Variants in SLC18A2 observed in about 807,000 individuals in gnomAD.
SLC18A2 encodes solute carrier family 18 member A2.
A neutral mutation model predicts 59.2 loss-of-function variants in SLC18A2; 33 were observed. The ratio of observed to expected loss-of-function variants is 0.56; its 90% CI spans 0.42 to 0.75. SLC18A2 has a LOEUF of 0.75. SLC18A2 is among the 30% of genes least tolerant of loss of function. SLC18A2 has a pLI of 0.00. For missense variants in SLC18A2, 569 were observed against 668.6 expected (o/e 0.85, Z 1.64); for synonymous variants, 228 against 253.5 (o/e 0.90, Z 0.95).
intron 10 of SLC18A2, among the ~76,000 whole-genome samples, chr10:117,260,361 A>G (rs1299410273): frequency 6.6e-6 from 1 of 152,188 alleles, no homozygotes; most frequent in African/African-American, 2.4e-5. Flanking sequence ...TGTGAGGCAC[A>G]ATGGCTCTTG....
chr10:117,259,993 C>T (rs1181456295), intron 10 of SLC18A2, among the ~76,000 whole-genome samples: 2 of 152,186 alleles, frequency 1.3e-5, no homozygotes, highest in African/African-American at 4.8e-5. Flanking sequence ...TTGTCTTTCC[C>T]CTTTTCCATT....
At chr10:117,262,693 A>T (rs1227494256) in intron 10 of SLC18A2, among the ~76,000 whole-genome samples, 2 of 151,888 alleles carry the variant, frequency 1.3e-5, no homozygotes, top group African/African-American at 2.4e-5. Context: ...TTTTAGAGAC[A>T]GGGTCTCGTC....
rs1037519044 is a variant in SLC18A2, at chr10:117,275,577, T to C, written c.1441-1585T>C. ...TGCTCATCTAACTACCACGGAGTGC[T>C]GCAGGCGGCTCCTGTCTGCCCCATC... On this transcript the variant is annotated intron_variant, in intron 15 of 15. Transcript: ENST00000644641. 2.4e-4 allele frequency among the ~76,000 whole-genome samples: 37 copies of C among 152,210 alleles called. 1 individual carries two copies. The highest frequency in any genetic ancestry group is 8.7e-4 in the African/African-American group (36 of 41,446).
chr10:117,259,000 G>A (rs956077333), intron 10 of SLC18A2, among the ~76,000 whole-genome samples: 2 of 152,120 alleles, frequency 1.3e-5, no homozygotes, highest in African/African-American at 4.8e-5. Context: ...TACAGTAGAT[G>A]GGGATTATTT....
At chr10:117,271,571 C>G (rs75072165) in intron 15 of SLC18A2, among the ~76,000 whole-genome samples, 3,712 of 152,270 alleles carry the variant, frequency 0.024, 72 homozygotes, top group South Asian at 0.04. Flanking sequence ...TAACTAGATA[C>G]TTTTGAGTAA....
chr10:117,262,521 G>A (rs1477891011), intron 10 of SLC18A2, among the ~76,000 whole-genome samples: 3 of 151,940 alleles, frequency 2.0e-5, no homozygotes, highest in African/African-American at 7.3e-5. Context: ...TGGAGAGGCT[G>A]TTTCCCAGCT....
At chr10:117,261,756 C>T (rs1055152097) in intron 10 of SLC18A2, among the ~76,000 whole-genome samples, 5 of 151,972 alleles carry the variant, frequency 3.3e-5, no homozygotes, top group Admixed American at 6.5e-5. Context: ...CCCAAATGGC[C>T]GGGGGAGAGG....
intron 2 of SLC18A2, among the ~76,000 whole-genome samples, chr10:117,243,015 AGCCACCGT>A (rs1475595848): frequency 2.6e-5 from 4 of 152,084 alleles, no homozygotes; most frequent in African/African-American, 9.7e-5. Context: ...TACAGGCCTG[AGCCACCGT>A]GCCTGGCCTG....
In SLC18A2 at chr10:117,241,772, T is replaced by G. The variant is rs753922210; in HGVS notation, c.79T>G (p.Phe27Val). 1 of 1,611,228 alleles carries G rather than the reference T, an allele frequency of 6.2e-7. No individual in the cohort carries two copies. The highest frequency in any genetic ancestry group is 1.1e-5 in the South Asian group (1 of 90,982). ...RSRKLILFIV[F>V]LALLLDNMLL... ...GCGGAAGCTCATCCTGTTCATCGTG[T>G]TCCTGGCGCTGCTGCTGGACAACAT... Residue 27 changes from phenylalanine (F) to valine (V), a missense_variant, in exon 2 of 16, where the codon TTC (phenylalanine) becomes GTC (valine). Phe to Val is a conservative substitution (Grantham distance 50). Transcript: ENST00000644641.
chr10:117,264,393 T>C (rs1844326043), intron 10 of SLC18A2, among the ~76,000 whole-genome samples: 1 of 152,202 alleles, frequency 6.6e-6, no homozygotes, highest in Admixed American at 6.5e-5. Flanking sequence ...GGTGGATCAC[T>C]TGAGCCCAAG....
intron 6 of SLC18A2, 56 bp downstream of exon 6, chr10:117,254,553 C>T: frequency 7.6e-7 from 1 of 1,318,860 alleles, no homozygotes; most frequent in Non-Finnish European, 1.0e-6. Context: ...TGGTGCTGGA[C>T]AGCGGCAGTC....
intron 15 of SLC18A2, among the ~76,000 whole-genome samples, chr10:117,272,976 C>T (rs922437473): frequency 2.6e-5 from 4 of 152,162 alleles, no homozygotes; most frequent in African/African-American, 7.2e-5. Flanking sequence ...CAAGTGCTGG[C>T]GTTCAGGATG....
chr10:117,247,489 C>T (rs1421068236), intron 3 of SLC18A2, among the ~76,000 whole-genome samples: 1 of 152,218 alleles, frequency 6.6e-6, no homozygotes, highest in Non-Finnish European at 1.5e-5. Flanking sequence ...GTTCTTCCCA[C>T]CTGCTTACAA....
Position 117,248,824 on chromosome 10 carries a change from G to A in SLC18A2, c.464+4511G>A, listed in dbSNP as rs140266296. 3.7e-3 allele frequency among the ~76,000 whole-genome samples: 560 copies of A among 152,286 alleles called. 3 individuals are homozygous for A. Among genetic ancestry groups the A allele is most frequent in the African/African-American group, 0.012 (519 of 41,552 alleles). On this transcript the variant is annotated intron_variant, in intron 3 of 15. Transcript: ENST00000644641. ...AACCAAAAGATATTCCACACCAAAC[G>A]ACTGGCTTGGGAAAGAGTTAACTTC...
chr10:117,267,707 C>T lies in SLC18A2; in HGVS notation c.1157C>T (p.Ala386Val). Residue 386 changes from alanine to valine, a missense_variant, in exon 13 of 16, where the codon GCT (alanine) becomes GTT (valine). Around this residue, in one of 2 missense-constraint regions of SLC18A2, gnomAD observed 192 missense variants for 278.8 expected, o/e 0.69. Transcript: ENST00000644641. ...PFAKNIYGLI[A>V]PNFGVGFAIG... ...GCAAAAAACATTTATGGACTCATAG[C>T]TCCGAACTTTGGAGTTGGTTTTGCA... is the stretch of plus-strand genomic sequence containing the variant. 1 of 1,568,876 alleles carries T rather than the reference C, an allele frequency of 6.4e-7. No individual in the cohort carries two copies. Among genetic ancestry groups the T allele is most frequent in the East Asian group, 2.3e-5 (1 of 44,078 alleles).
chr10:117,254,453 A>G lies in SLC18A2; in HGVS notation c.656A>G (p.Asn219Ser), dbSNP rs139941579. ...TACACAGATGATGAAGAGAGAGGCA[A>G]CGTCATGGGAATCGCCTTGGGAGGC... ...SVYTDDEERG[N>S]VMGIALGGLA... The change falls in exon 6 of 16, where the codon AAC becomes AGC. Residue 219 changes from asparagine to serine, a missense_variant. Physicochemically the swap from Asn to Ser is conservative, Grantham distance 46. Coordinates refer to ENST00000644641, the MANE Select transcript of SLC18A2 (RefSeq NM_003054.6). 1.9e-6 allele frequency: 3 copies of G among 1,609,370 alleles called. No homozygotes were observed. Among genetic ancestry groups the G allele is most frequent in the Non-Finnish European group, 2.5e-6 (3 of 1,177,382 alleles).
rs189888826 is a variant in SLC18A2, at chr10:117,259,236, C to A, written c.991+1344C>A. 5.5e-3 allele frequency among the ~76,000 whole-genome samples: 841 copies of A among 152,286 alleles called. 5 individuals carry two copies. The highest frequency in any genetic ancestry group is 9.0e-3 in the Non-Finnish European group (612 of 68,034). Reference sequence around the variant, plus strand: ...TTAATTTTCCTGGAGTTAGTCGTTGCCTTGTCCTTTCATTTTCTTAATGTT... The same window carrying A: ...TTAATTTTCCTGGAGTTAGTCGTTGACTTGTCCTTTCATTTTCTTAATGTT... On this transcript the variant is annotated intron_variant, in intron 10 of 15. Transcript: ENST00000644641.
At chr10:117,273,576 G>A (rs1464942401) in intron 15 of SLC18A2, among the ~76,000 whole-genome samples, 1 of 152,126 alleles carries the variant, frequency 6.6e-6, no homozygotes, top group Non-Finnish European at 1.5e-5. Context: ...CGTGGGGCAA[G>A]GATGGGGTGG....
At chr10:117,247,779 A>G (rs531114011) in intron 3 of SLC18A2, among the ~76,000 whole-genome samples, 2 of 152,270 alleles carry the variant, frequency 1.3e-5, no homozygotes, top group African/African-American at 4.8e-5. Flanking sequence ...ATGTGTGGGG[A>G]AAGCTTCCTG....
Sources: allele counts gnomAD v4.1 joint callset (sites outside exome capture counted in the v4.1 genomes callset), GRCh38; gene constraint gnomAD v4.1.1; regional missense constraint gnomAD v4.1.1; transcripts MANE v1.5; gene names NCBI Gene and HGNC (gene_info 2026-07-23, HGNC 2026-07-21).